Variants in KHDRBS2 observed in about 807,000 individuals in gnomAD.
KHDRBS2 encodes KH RNA binding domain containing, signal transduction associated 2.
A neutral mutation model predicts 44.3 loss-of-function variants in KHDRBS2; 26 were observed. The observed-to-expected ratio is 0.59, with a 90% confidence interval of 0.43 to 0.81. KHDRBS2 has a LOEUF of 0.81. KHDRBS2 is among the 40% of genes least tolerant of loss of function. The probability of loss-of-function intolerance (pLI) is 0.00; values close to 1 mark genes in which losing one functional copy is unlikely to be tolerated. For missense variants in KHDRBS2, 476 were observed against 433.1 expected, an observed-to-expected ratio of 1.10 and a Z score of -0.88; for synonymous variants, 194 against 151.1, an observed-to-expected ratio of 1.28 and a Z score of -2.08.
At chr6:61,840,395 G>T (rs1307954901) in intron 6 of KHDRBS2, among the ~76,000 whole-genome samples, 1 of 152,034 alleles carries the variant, frequency 6.6e-6, no homozygotes, top group Non-Finnish European at 1.5e-5. Flanking sequence ...TTGTTCTGTT[G>T]ATAATCAATA....
At chr6:61,926,224 T>C (rs752003223) in intron 4 of KHDRBS2, among the ~76,000 whole-genome samples, 3 of 152,134 alleles carry the variant, frequency 2.0e-5, no homozygotes, top group Admixed American at 6.6e-5. Context: ...AGGGACAATG[T>C]ATTTTTTAAA....
chr6:61,646,935 T>C, the KHDRBS2 span, among the ~76,000 whole-genome samples: 1 of 152,070 alleles, frequency 6.6e-6, no homozygotes, highest in Non-Finnish European at 1.5e-5. Context: ...TTCTCCCTTC[T>C]CAGCTTCCCA....
intron 3 of KHDRBS2, among the ~76,000 whole-genome samples, chr6:61,999,111 T>G (rs1174213598): frequency 6.6e-6 from 1 of 152,090 alleles, no homozygotes; most frequent in Non-Finnish European, 1.5e-5. Flanking sequence ...TTGAAAATAT[T>G]CAGTAATTGG....
At chr6:62,225,934 T>A (rs1185405604) in intron 1 of KHDRBS2, among the ~76,000 whole-genome samples, 1 of 152,218 alleles carries the variant, frequency 6.6e-6, no homozygotes, top group Non-Finnish European at 1.5e-5. Context: ...ATTCAGTGTA[T>A]CATTGAAGGG....
rs149184510 is a variant in KHDRBS2, at chr6:61,683,807, T to C, written c.953-2747A>G. On this transcript the variant is annotated intron_variant, in intron 8 of 8. Coordinates refer to ENST00000281156, the MANE Select transcript of KHDRBS2 (RefSeq NM_152688.4). ...TTCTATGTGAATTAATACTATGCTC[T>C]TTCTCCTTGCTCAAGGCTAGGAAAA... is the stretch of plus-strand genomic sequence containing the variant. Among the ~76,000 whole-genome samples the C allele has an allele frequency of 3.4e-3, 510 of 152,004 alleles. 6 individuals are homozygous for C. The highest frequency in any genetic ancestry group is 0.012 in the African/African-American group (493 of 41,532).
At chr6:61,664,886 T>A in the KHDRBS2 span, among the ~76,000 whole-genome samples, 1 of 151,662 alleles carries the variant, frequency 6.6e-6, no homozygotes, top group African/African-American at 2.4e-5. Flanking sequence ...TAAAGGTGTG[T>A]CTATGGTGTT....
chr6:61,766,113 T>TC (rs1779971101), intron 6 of KHDRBS2, among the ~76,000 whole-genome samples: 2 of 151,900 alleles, frequency 1.3e-5, no homozygotes, highest in African/African-American at 4.8e-5. Flanking sequence ...GTTCAGGCTT[T>TC]TTTTTTGCTG....
chr6:61,553,426 T>C, the KHDRBS2 span, among the ~76,000 whole-genome samples: 1 of 151,638 alleles, frequency 6.6e-6, no homozygotes, highest in Admixed American at 6.6e-5. Flanking sequence ...AGTCTGTCTA[T>C]CCTATTTATT....
intron 2 of KHDRBS2, among the ~76,000 whole-genome samples, chr6:62,106,828 C>G (rs1034808501): frequency 5.9e-5 from 9 of 152,046 alleles, no homozygotes; most frequent in African/African-American, 2.2e-4. Flanking sequence ...ATAAACAGAA[C>G]CAAAGACAAA....
In KHDRBS2 at chr6:62,214,983, C is replaced by T. The variant is rs542107423; in HGVS notation, c.92-37671G>A. On this transcript the variant is annotated intron_variant, in intron 1 of 8. Coordinates refer to ENST00000281156, the MANE Select transcript of KHDRBS2 (RefSeq NM_152688.4). ...ACAGAAGTATACATACAAATCAAGA[C>T]ATAAGATAAAAAAATTTAAAATCCA... Among the ~76,000 whole-genome samples, 159 of 137,704 alleles carry T rather than the reference C, an allele frequency of 1.2e-3. 2 individuals carry two copies. The highest frequency in any genetic ancestry group is 3.9e-3 in the African/African-American group (151 of 38,914). The allele number at this position is 137,704 out of a possible 152,430, so 90.3% of individuals were successfully genotyped here. A position where few individuals can be genotyped will look rare whatever the true frequency, so the allele number is the denominator to read the frequency against.
chr6:62,060,991 G>A (rs1791691225), intron 2 of KHDRBS2, among the ~76,000 whole-genome samples: 1 of 151,802 alleles, frequency 6.6e-6, no homozygotes, highest in Admixed American at 6.6e-5. Flanking sequence ...GACTAGGATT[G>A]CAACCCTTGC....
intron 4 of KHDRBS2, among the ~76,000 whole-genome samples, chr6:61,930,278 T>C (rs978108538): frequency 6.6e-6 from 1 of 151,604 alleles, no homozygotes; most frequent in East Asian, 1.9e-4. Context: ...AATTACTGAG[T>C]CTGTGGTATT....
chr6:61,822,084 T>G (rs1373380143), intron 6 of KHDRBS2, among the ~76,000 whole-genome samples: 1 of 152,000 alleles, frequency 6.6e-6, no homozygotes, highest in African/African-American at 2.4e-5. Flanking sequence ...ATGACTTCCA[T>G]AGCCATCTCT....
chr6:62,093,733 C>A (rs1352616701), intron 2 of KHDRBS2, among the ~76,000 whole-genome samples: 4 of 151,780 alleles, frequency 2.6e-5, no homozygotes, highest in Non-Finnish European at 4.4e-5. Flanking sequence ...TTAATAAACT[C>A]ATGTGGCATT....
chr6:61,543,873 C>A, the KHDRBS2 span, among the ~76,000 whole-genome samples: 2 of 151,904 alleles, frequency 1.3e-5, no homozygotes, highest in Admixed American at 1.3e-4. Flanking sequence ...TTTGCATGTT[C>A]TCTTATTTGT....
At chr6:62,013,310 A>G (rs370961025) in intron 3 of KHDRBS2, among the ~76,000 whole-genome samples, 3 of 152,280 alleles carry the variant, frequency 2.0e-5, no homozygotes, top group Non-Finnish European at 2.9e-5. Context: ...TTGAAAAATT[A>G]TTCCTAAATT....
intron 4 of KHDRBS2, among the ~76,000 whole-genome samples, chr6:61,956,842 G>A (rs576788192): frequency 2.0e-5 from 3 of 152,044 alleles, no homozygotes; most frequent in African/African-American, 7.2e-5. Context: ...TTTTTTTAAG[G>A]TCTGAGTTAA....
At chr6:61,751,986 A>G (rs1777768297) in intron 6 of KHDRBS2, among the ~76,000 whole-genome samples, 1 of 152,090 alleles carries the variant, frequency 6.6e-6, no homozygotes, top group African/African-American at 2.4e-5. Context: ...TTAGAAGGAC[A>G]CAAATCATAT....
chr6:61,593,350 A>G, the KHDRBS2 span, among the ~76,000 whole-genome samples: 1 of 152,264 alleles, frequency 6.6e-6, no homozygotes, highest in East Asian at 1.9e-4. Flanking sequence ...GTTAATCTGG[A>G]GAGTCACAGC....
Sources: allele counts gnomAD v4.1 joint callset (sites outside exome capture counted in the v4.1 genomes callset), GRCh38; gene constraint gnomAD v4.1.1; transcripts MANE v1.5; gene names NCBI Gene and HGNC (gene_info 2026-07-23, HGNC 2026-07-21).